Variants in RBM19 observed in about 807,000 individuals in gnomAD.
RBM19 encodes probable RNA-binding protein 19.
A neutral mutation model predicts 116.8 loss-of-function variants in RBM19; 94 were observed. That is an observed-to-expected ratio of 0.80 (90% confidence interval 0.68 to 0.95). The LOEUF is 0.95. Ranked by LOEUF, RBM19 falls within the 40% of genes least tolerant of loss-of-function variation. RBM19 has a pLI of 0.00. For synonymous variants in RBM19, 475 were observed against 494.1 expected (o/e 0.96, Z 0.51); for missense variants, 1,161 against 1,220.7 (o/e 0.95, Z 0.73).
At chr12:113,939,507 T>TGGGAGGCTGAGGCGGGC (rs142184335) in intron 15 of RBM19, among the ~76,000 whole-genome samples, 17,378 of 146,780 alleles carry the variant, frequency 0.12, 1,086 homozygotes, top group East Asian at 0.17. Context: ...CCCAGCACTT[T>TGGGAGGCTGAGGCGGGC]GGGAGGCTGA....
intron 23 of RBM19, among the ~76,000 whole-genome samples, chr12:113,831,795 T>C: frequency 6.6e-6 from 1 of 152,302 alleles, no homozygotes; most frequent in Non-Finnish European, 1.5e-5. Context: ...CTTGGAATTA[T>C]TTCCAAAACA....
chr12:113,859,931 T>A (rs1878230675), intron 21 of RBM19, among the ~76,000 whole-genome samples: 1 of 152,194 alleles, frequency 6.6e-6, no homozygotes, highest in Admixed American at 6.5e-5. Flanking sequence ...TAAGCTCTCG[T>A]GAAATGATAT....
At chr12:113,830,590 T>TGGG (rs1555228714) in intron 23 of RBM19, among the ~76,000 whole-genome samples, 1 of 17,392 alleles carries the variant, frequency 5.7e-5, no homozygotes. Flanking sequence ...GGGGGGGGGG[T>TGGG]GGGCTATGCC....
Position 113,930,642 on chromosome 12 carries a change from C to A in RBM19, c.2069-3413G>T, listed in dbSNP as rs375705821. Among the ~76,000 whole-genome samples the A allele has an allele frequency of 5.9e-5, 9 of 152,356 alleles. No individual in the cohort carries two copies. In the East Asian group the frequency reaches 7.7e-4, roughly 13 times the overall value. ...CTTACCCTCCCCTTCGGGAGGAACA[C>A]CCAGCTTAAATGAAAGATGTGCTCA... On this transcript the variant is annotated intron_variant, in intron 16 of 23. Transcript: ENST00000261741.
At chr12:113,836,994 TACACACACACACACAC>T (rs55991489) in intron 23 of RBM19, among the ~76,000 whole-genome samples, 15 of 56,258 alleles carry the variant, frequency 2.7e-4, no homozygotes, top group African/African-American at 8.1e-4. Context: ...ACTTACTACA[TACACACACACACACAC>T]ACACACACAC....
At chr12:113,923,074 C>T (rs1868733311) in intron 18 of RBM19, among the ~76,000 whole-genome samples, 1 of 152,178 alleles carries the variant, frequency 6.6e-6, no homozygotes, top group African/African-American at 2.4e-5. Context: ...ACAGAGGTTG[C>T]AGTGAGCTGA....
intron 15 of RBM19, 80 bp from the exon 16 acceptor site, chr12:113,937,216 C>T: frequency 6.5e-7 from 1 of 1,542,172 alleles, no homozygotes; most frequent in East Asian, 2.3e-5. Flanking sequence ...ATGCAGATCA[C>T]AGCCCAAGGG....
intron 21 of RBM19, among the ~76,000 whole-genome samples, chr12:113,874,171 T>C (rs1397525400): frequency 6.6e-6 from 1 of 152,256 alleles, no homozygotes; most frequent in Admixed American, 6.5e-5. Context: ...TATTTGTTTA[T>C]GGTTGGTCTT....
intron 23 of RBM19, among the ~76,000 whole-genome samples, chr12:113,826,926 T>C (rs569966638): frequency 6.6e-6 from 1 of 152,288 alleles, no homozygotes; most frequent in Non-Finnish European, 1.5e-5. Flanking sequence ...TATGTACTCA[T>C]GTATCATAAG....
chr12:113,907,512 C>T (rs1242528468), intron 21 of RBM19, among the ~76,000 whole-genome samples: 1 of 152,176 alleles, frequency 6.6e-6, no homozygotes, highest in Non-Finnish European at 1.5e-5. Flanking sequence ...CAAACCACAG[C>T]AAAGTAGGAA....
At chr12:113,884,882 A>G (rs561199738) in intron 21 of RBM19, among the ~76,000 whole-genome samples, 1 of 151,112 alleles carries the variant, frequency 6.6e-6, no homozygotes, top group East Asian at 2.0e-4. Flanking sequence ...ATGGTTTGTA[A>G]CTCATTAAAT....
At chr12:113,908,230 G>A (rs543134887) in intron 21 of RBM19, among the ~76,000 whole-genome samples, 8 of 152,180 alleles carry the variant, frequency 5.3e-5, no homozygotes, top group Non-Finnish European at 1.0e-4. Context: ...CCTAGCAGAT[G>A]AAAGGGCTCA....
In RBM19 at chr12:113,958,044, G is replaced by C. The variant is rs747609532; in HGVS notation, c.578C>G (p.Ala193Gly). 1 of 1,607,564 alleles carries C rather than the reference G, an allele frequency of 6.2e-7. No homozygotes were observed. Among genetic ancestry groups the C allele is most frequent in the Non-Finnish European group, 8.5e-7 (1 of 1,176,914 alleles). The change falls in exon 6 of 24, where the codon GCA becomes GGA. Residue 193 changes from alanine to glycine, a missense_variant. Ala to Gly is a moderately conservative substitution (Grantham distance 60). Transcript: ENST00000261741. ...CACAGCTGCCTTTGGTTCGAGGCTT[G>C]CCTCTTCTGGAAAAACAGGGAAGCT... ...EGAGEDLEEE[A>G]SLEPKAAVQK...
At chr12:113,958,152 C>T in intron 5 of RBM19, 102 bp from the exon 6 acceptor site, 1 of 1,509,976 alleles carries the variant, frequency 6.6e-7, no homozygotes. Context: ...CCTGAGGCAC[C>T]ATGCCCACCG....
rs1882672562 is a variant in RBM19 at position 113,914,886 on chromosome 12, G to T, written c.2558+83C>A. The stretch of plus-strand genomic sequence containing the variant: ...TGCCGGCCTGCAACGGAACCATCCA[G>T]GACCCAAAGGCCATCTTCCCTGAGA... On this transcript the variant is annotated intron_variant, in intron 21 of 23. Coordinates refer to ENST00000261741, the MANE Select transcript of RBM19 (RefSeq NM_016196.4). 5 of 1,220,152 alleles carry T rather than the reference G, an allele frequency of 4.1e-6. No individual in the cohort carries two copies. In the Admixed American group the frequency reaches 6.8e-5, roughly 17 times the overall value. The allele number at this position is 1,220,152 out of a possible 1,614,324, so 75.6% of individuals were successfully genotyped here.
chr12:113,859,183 C>T (rs1236563413), intron 21 of RBM19, among the ~76,000 whole-genome samples: 1 of 152,204 alleles, frequency 6.6e-6, no homozygotes, highest in African/African-American at 2.4e-5. Flanking sequence ...TGGGGCCCCA[C>T]TTCCCTGTGG....
intron 23 of RBM19, among the ~76,000 whole-genome samples, chr12:113,833,157 C>G (rs554887262): frequency 2.0e-5 from 3 of 152,168 alleles, no homozygotes; most frequent in Non-Finnish European, 4.4e-5. Flanking sequence ...CCTGTCCTTC[C>G]CAGCTTCCTG....
intron 18 of RBM19, among the ~76,000 whole-genome samples, chr12:113,923,898 G>A (rs114504419): frequency 6.6e-6 from 1 of 152,354 alleles, no homozygotes; most frequent in African/African-American, 2.4e-5. Context: ...CTGCTGCCTG[G>A]TGGGGCCTGG....
In RBM19 at chr12:113,898,730, A is replaced by G. The variant is rs1022905336; in HGVS notation, c.2558+16239T>C. ...ACTTATGCAAACAGGCATTCTCTGCATTAGTATTACTGACGTAAAAGAACC... is the reference window on the plus strand; with the variant it reads ...ACTTATGCAAACAGGCATTCTCTGCGTTAGTATTACTGACGTAAAAGAACC... On this transcript the variant is annotated intron_variant, in intron 21 of 23. Coordinates refer to ENST00000261741, the MANE Select transcript of RBM19 (RefSeq NM_016196.4). The surrounding 1 kb of genome is among the most constrained non-coding windows in gnomAD (Gnocchi z 4.3). Among the ~76,000 whole-genome samples, 4 of 152,254 alleles carry G rather than the reference A, an allele frequency of 2.6e-5. No individual in the cohort carries two copies. The highest frequency in any genetic ancestry group is 7.2e-5 in the African/African-American group (3 of 41,464).
Sources: allele counts gnomAD v4.1 joint callset (sites outside exome capture counted in the v4.1 genomes callset), GRCh38; gene constraint gnomAD v4.1.1; non-coding constraint Gnocchi (gnomAD v3.1); transcripts MANE v1.5; gene names NCBI Gene and HGNC (gene_info 2026-07-23, HGNC 2026-07-21).